ANKRD22: variants seen among roughly 807,000 people sequenced by gnomAD.
ANKRD22 encodes the protein ankyrin repeat domain 22, also known as ankyrin repeat domain-containing protein 22.
In ANKRD22, 24 loss-of-function variants were observed where a neutral mutation model predicts 25.7. The ratio of observed to expected loss-of-function variants is 0.93; its 90% CI spans 0.68 to 1.31. The LOEUF is 1.31. Ranked by LOEUF, ANKRD22 falls within the 50% of genes most tolerant of loss-of-function variation. The pLI, the probability that ANKRD22 is intolerant of heterozygous loss-of-function variation, is 0.00. For synonymous variants in ANKRD22, 84 were observed against 84.3 expected (o/e 1.00, Z 0.02); for missense variants, 214 against 227.1 (o/e 0.94, Z 0.37).
At chr10:88,843,831 A>G (rs1458972189) in intron 1 of ANKRD22, among the ~76,000 whole-genome samples, 2 of 152,074 alleles carry the variant, frequency 1.3e-5, no homozygotes, top group African/African-American at 4.8e-5. Context: ...CTCTCACATA[A>G]CCTACTATAT....
chr10:88,833,183 A>G (rs1843923464), intron 1 of ANKRD22, among the ~76,000 whole-genome samples: 1 of 152,216 alleles, frequency 6.6e-6, no homozygotes, highest in South Asian at 2.1e-4. Flanking sequence ...ATTTACTGCT[A>G]TTTCTCCAGC....
chr10:88,823,434 A>T, intron 4 of ANKRD22, 56 bp from the exon 5 acceptor site: 1 of 1,265,546 alleles, frequency 7.9e-7, no homozygotes, highest in Non-Finnish European at 1.2e-6. Context: ...CACAGACCAT[A>T]GCATGTGGCT....
chr10:88,824,999 T>TCACA (rs1242949843), intron 4 of ANKRD22, among the ~76,000 whole-genome samples: 14 of 81,990 alleles, frequency 1.7e-4, no homozygotes, highest in Admixed American at 1.5e-3. Context: ...TCTCTCTCTC[T>TCACA]CTCTCTCTCT....
intron 1 of ANKRD22, among the ~76,000 whole-genome samples, chr10:88,833,352 T>C (rs1843924825): frequency 6.6e-6 from 1 of 152,096 alleles, no homozygotes; most frequent in African/African-American, 2.4e-5. Flanking sequence ...TCTTTAATAA[T>C]CAAGTCAAAT....
At chr10:88,837,695 T>C (rs1290847568) in intron 1 of ANKRD22, among the ~76,000 whole-genome samples, 1 of 152,236 alleles carries the variant, frequency 6.6e-6, no homozygotes, top group African/African-American at 2.4e-5. Context: ...TCATCTTGAA[T>C]TGTAGCTCCT....
At chr10:88,846,873 A>G (rs1190632493) in intron 1 of ANKRD22, among the ~76,000 whole-genome samples, 1 of 152,130 alleles carries the variant, frequency 6.6e-6, no homozygotes, top group Non-Finnish European at 1.5e-5. Flanking sequence ...GAGAATTTTT[A>G]TCAGTGATGA....
rs1843803912 is a variant in ANKRD22, at chr10:88,822,229, G to A, written c.*712C>T. On this transcript the variant is annotated 3_prime_UTR_variant, in exon 6 of 6. Coordinates refer to ENST00000371930, the MANE Select transcript of ANKRD22 (RefSeq NM_144590.3). ...CTGATTTGTCAATTTGCCAATTTCT[G>A]TGGTGTAAACACACTCACCGCTGAC... 6.6e-6 allele frequency: 1 copy of A among 152,136 alleles called. No individual in the cohort carries two copies. The allele number at this position is 152,136 out of a possible 1,614,324, so 9.4% of individuals were successfully genotyped here.
chr10:88,849,263 C>T (rs989329949), intron 1 of ANKRD22, among the ~76,000 whole-genome samples: 17 of 152,080 alleles, frequency 1.1e-4, no homozygotes, highest in African/African-American at 3.9e-4. Context: ...CACAATGCAA[C>T]AGTTCTCTGT....
Position 88,828,634 on chromosome 10 carries a change from C to T in ANKRD22, c.246G>A (p.Lys82=). 1 of 1,609,280 alleles carries T rather than the reference C, an allele frequency of 6.2e-7. No homozygotes were observed. The highest frequency in any genetic ancestry group is 8.5e-7 in the Non-Finnish European group (1 of 1,177,128). ...KERTCLHYAV[K]KKFTFIDYLL... is the part of the protein sequence containing the mutation. ...GATAATCAATGAAGGTAAATTTTTT[C>T]TTCACAGCATAATGCAAGCAGGTTC... The change falls in exon 3 of 6, where the codon AAG becomes AAA. Residue 82 remains lysine (K), a synonymous_variant. Coordinates refer to ENST00000371930, the MANE Select transcript of ANKRD22 (RefSeq NM_144590.3).
intron 1 of ANKRD22, among the ~76,000 whole-genome samples, chr10:88,832,537 A>ATGTCTT (rs1843916010): frequency 6.6e-6 from 1 of 152,092 alleles, no homozygotes; most frequent in South Asian, 2.1e-4. Flanking sequence ...TAAAGATAAA[A>ATGTCTT]TGTCTTTATC....
intron 1 of ANKRD22, among the ~76,000 whole-genome samples, chr10:88,838,584 A>G (rs1843976780): frequency 6.6e-6 from 1 of 152,112 alleles, no homozygotes. Context: ...TTTGGAGTAG[A>G]AACACAGGTC....
intron 1 of ANKRD22, among the ~76,000 whole-genome samples, chr10:88,846,489 A>G (rs979006367): frequency 6.6e-6 from 1 of 152,202 alleles, no homozygotes; most frequent in African/African-American, 2.4e-5. Context: ...TAAGCATAAA[A>G]GTTGTCAAGG....
Position 88,823,000 on chromosome 10 carries a change from C to A in ANKRD22, c.517G>T (p.Asp173Tyr). 2 of 1,613,028 alleles carry A rather than the reference C, an allele frequency of 1.2e-6. No homozygotes were observed. Among genetic ancestry groups the A allele is most frequent in the Non-Finnish European group, 1.7e-6 (2 of 1,179,290 alleles). ...IKNKHGESSL[D>Y]IARRLKFSQI... ...GAAAATTTTAATCTCCGTGCAATATCCAGTGAGCTCTCACCATGCTGAGGG... is the reference window on the plus strand; with the variant it reads ...GAAAATTTTAATCTCCGTGCAATATACAGTGAGCTCTCACCATGCTGAGGG... Residue 173 changes from aspartate (D) to tyrosine (Y), a missense_variant, in exon 6 of 6, where the codon GAT becomes TAT. Physicochemically the swap from Asp to Tyr is radical, Grantham distance 160. Transcript: ENST00000371930.
At chr10:88,823,869 A>G (rs1041768955) in intron 4 of ANKRD22, among the ~76,000 whole-genome samples, 1 of 149,722 alleles carries the variant, frequency 6.7e-6, no homozygotes, top group Non-Finnish European at 1.5e-5. Context: ...CTCAATGTAT[A>G]TGTATGTTAG....
rs148334734 is a variant in ANKRD22 at position 88,827,852 on chromosome 10, G to A, written c.321+707C>T. Among the ~76,000 whole-genome samples the A allele has an allele frequency of 2.2e-3, 341 of 152,292 alleles. 4 individuals carry two copies. The highest frequency in any genetic ancestry group is 0.015 in the Admixed American group (234 of 15,304). ...TTAAAGTAAATTATGCATCTCTTGAGTCATGTCTGAGAAGTGGAACTGGGC... is the reference window on the plus strand; with the variant it reads ...TTAAAGTAAATTATGCATCTCTTGAATCATGTCTGAGAAGTGGAACTGGGC... On this transcript the variant is annotated intron_variant, in intron 3 of 5. Transcript: ENST00000371930.
At position 88,851,813 on chromosome 10, in the gene ANKRD22, C is replaced by T. The variant is rs1844108055; in HGVS notation, c.-206G>A. 2 of 581,018 alleles carry T rather than the reference C, an allele frequency of 3.4e-6. No individual in the cohort carries two copies. Among genetic ancestry groups the T allele is most frequent in the African/African-American group, 3.7e-5 (2 of 53,582 alleles). The allele number at this position is 581,018 out of a possible 1,614,324, so 36.0% of individuals were successfully genotyped here. ...GCAGCACACCTTCCAGAGAGCCCAGCCCAATGAAACAAAGGCACTGGTGTC... is the reference window on the plus strand; with the variant it reads ...GCAGCACACCTTCCAGAGAGCCCAGTCCAATGAAACAAAGGCACTGGTGTC... On this transcript the variant is annotated 5_prime_UTR_variant, in exon 1 of 6. Coordinates refer to ENST00000371930, the MANE Select transcript of ANKRD22 (RefSeq NM_144590.3).
At chr10:88,847,730 T>A (rs1435734097) in intron 1 of ANKRD22, among the ~76,000 whole-genome samples, 1 of 151,408 alleles carries the variant, frequency 6.6e-6, no homozygotes, top group African/African-American at 2.4e-5. Flanking sequence ...TATATTTACA[T>A]CACAGAGTAG....
Position 88,830,715 on chromosome 10 carries a change from G to A in ANKRD22, c.213+1120C>T, listed in dbSNP as rs184698635. On this transcript the variant is annotated intron_variant, in intron 2 of 5. Coordinates refer to ENST00000371930, the MANE Select transcript of ANKRD22 (RefSeq NM_144590.3). ...CTGAGGCCCTCCTCTTCTGCAAAGCGGAGATAAAAGTGTCTCCTCAGCCTT... is the reference window on the plus strand; with the variant it reads ...CTGAGGCCCTCCTCTTCTGCAAAGCAGAGATAAAAGTGTCTCCTCAGCCTT... Among the ~76,000 whole-genome samples, 410 of 152,266 alleles carry A rather than the reference G, an allele frequency of 2.7e-3. 3 individuals are homozygous for A. Among genetic ancestry groups the A allele is most frequent in the African/African-American group, 9.1e-3 (377 of 41,536 alleles).
chr10:88,827,508 A>G (rs909762590), intron 3 of ANKRD22, among the ~76,000 whole-genome samples: 1 of 152,254 alleles, frequency 6.6e-6, no homozygotes, highest in Non-Finnish European at 1.5e-5. Context: ...AATAAATAAC[A>G]GATTCTCCCT....
Sources: allele counts gnomAD v4.1 joint callset (sites outside exome capture counted in the v4.1 genomes callset), GRCh38; gene constraint gnomAD v4.1.1; transcripts MANE v1.5; gene names NCBI Gene and HGNC (gene_info 2026-07-23, HGNC 2026-07-21).